Variants in ST6GALNAC3 observed in about 807,000 individuals in gnomAD.
ST6GALNAC3 encodes ST6 N-acetylgalactosaminide alpha-2,6-sialyltransferase 3.
A neutral mutation model predicts 32.7 loss-of-function variants in ST6GALNAC3; 25 were observed. The ratio of observed to expected loss-of-function variants is 0.76; its 90% CI spans 0.56 to 1.07. The LOEUF (loss-of-function observed/expected upper bound fraction) is 1.07, where lower values mean the gene tolerates loss of function less well. Among genes scored for constraint, ST6GALNAC3 ranks in the 50% least tolerant of loss-of-function variants. The pLI is 0.00. For missense variants in ST6GALNAC3, 355 were observed against 382.4 expected, an observed-to-expected ratio of 0.93 and a Z score of 0.60; for synonymous variants, 129 against 133.1, an observed-to-expected ratio of 0.97 and a Z score of 0.21.
At chr1:76,086,004 A>G (rs1267388905) in intron 1 of ST6GALNAC3, among the ~76,000 whole-genome samples, 1 of 152,154 alleles carries the variant, frequency 6.6e-6, no homozygotes. Flanking sequence ...ACACTGAAAA[A>G]CTTTTGCCTT....
intron 3 of ST6GALNAC3, among the ~76,000 whole-genome samples, chr1:76,432,911 G>A (rs919676513): frequency 6.6e-6 from 1 of 152,114 alleles, no homozygotes; most frequent in East Asian, 1.9e-4. Flanking sequence ...CAGTCCCCAG[G>A]CTTCTACAGG....
intron 1 of ST6GALNAC3, among the ~76,000 whole-genome samples, chr1:76,234,904 T>C (rs567928160): frequency 6.6e-6 from 1 of 152,310 alleles, no homozygotes; most frequent in East Asian, 1.9e-4. Context: ...CAAAAGTACC[T>C]GAGAGGGCTC....
chr1:76,364,806 A>T (rs1187791197), intron 2 of ST6GALNAC3, among the ~76,000 whole-genome samples: 1 of 152,104 alleles, frequency 6.6e-6, no homozygotes, highest in East Asian at 1.9e-4. Context: ...AGTCAGAATG[A>T]CTGTTAAAAA....
chr1:76,129,716 T>C (rs1557640414), intron 1 of ST6GALNAC3, among the ~76,000 whole-genome samples: 2 of 152,136 alleles, frequency 1.3e-5, no homozygotes, highest in Non-Finnish European at 2.9e-5. Flanking sequence ...CCCAAACTCA[T>C]GGCAAAGATT....
intron 2 of ST6GALNAC3, among the ~76,000 whole-genome samples, chr1:76,321,296 A>G (rs1646962520): frequency 6.6e-6 from 1 of 152,156 alleles, no homozygotes; most frequent in African/African-American, 2.4e-5. Flanking sequence ...TGTTCCCAAG[A>G]CAGAATGAGA....
At chr1:76,460,213 T>C (rs1475406577) in intron 3 of ST6GALNAC3, among the ~76,000 whole-genome samples, 2 of 152,208 alleles carry the variant, frequency 1.3e-5, no homozygotes, top group Non-Finnish European at 2.9e-5. Flanking sequence ...GGTTTTTGTT[T>C]TCATTTTCCT....
chr1:76,411,118 G>A lies in ST6GALNAC3; in HGVS notation c.214-890G>A, dbSNP rs371774078. Reference sequence around the variant, plus strand: ...TTTTAAAAGAAAGGGTGACTATGTGGGAGAGAAGCAGCAAAAGCAATCTAT... The same window carrying A: ...TTTTAAAAGAAAGGGTGACTATGTGAGAGAGAAGCAGCAAAAGCAATCTAT... On this transcript the variant is annotated intron_variant, in intron 2 of 4. Transcript: ENST00000328299. Among the ~76,000 whole-genome samples the A allele has an allele frequency of 1.2e-4, 19 of 152,256 alleles. No individual in the cohort carries two copies. The East Asian group carries it at 1.9e-3, about 15-fold the overall frequency.
At chr1:76,088,334 G>A (rs1000043058) in intron 1 of ST6GALNAC3, among the ~76,000 whole-genome samples, 5 of 152,130 alleles carry the variant, frequency 3.3e-5, no homozygotes, top group African/African-American at 1.2e-4. Flanking sequence ...AACCATTCCA[G>A]TAACAAATTA....
chr1:76,456,797 C>G (rs927080513), intron 3 of ST6GALNAC3, among the ~76,000 whole-genome samples: 1 of 152,192 alleles, frequency 6.6e-6, no homozygotes, highest in Non-Finnish European at 1.5e-5. Flanking sequence ...TGGCACAAGA[C>G]AGGGATGCCC....
chr1:76,415,855 T>C (rs1571159211), intron 3 of ST6GALNAC3, among the ~76,000 whole-genome samples: 1 of 152,112 alleles, frequency 6.6e-6, no homozygotes, highest in East Asian at 1.9e-4. Flanking sequence ...CAATATATAC[T>C]GTGTATATTG....
At chr1:76,257,798 G>T (rs1450716453) in intron 1 of ST6GALNAC3, among the ~76,000 whole-genome samples, 1 of 152,028 alleles carries the variant, frequency 6.6e-6, no homozygotes, top group East Asian at 1.9e-4. Context: ...AATGATACTG[G>T]AAAAAAGAAT....
At chr1:76,186,524 G>A (rs539076340) in intron 1 of ST6GALNAC3, among the ~76,000 whole-genome samples, 4 of 152,254 alleles carry the variant, frequency 2.6e-5, no homozygotes, top group Admixed American at 2.6e-4. Context: ...GGTTAGTGGG[G>A]TGTCCAAGCT....
intron 3 of ST6GALNAC3, among the ~76,000 whole-genome samples, chr1:76,606,011 A>G (rs1647521592): frequency 1.3e-5 from 2 of 152,126 alleles, no homozygotes; most frequent in Non-Finnish European, 2.9e-5. Context: ...AACCACAATG[A>G]GATACCACTA....
chr1:76,439,273 T>C (rs1314910791), intron 3 of ST6GALNAC3, among the ~76,000 whole-genome samples: 1 of 152,194 alleles, frequency 6.6e-6, no homozygotes, highest in Admixed American at 6.5e-5. Context: ...CCTGGAGTAA[T>C]GGTGCAGTGG....
chr1:76,582,734 T>C (rs750284533), intron 3 of ST6GALNAC3, among the ~76,000 whole-genome samples: 22 of 152,194 alleles, frequency 1.4e-4, no homozygotes, highest in Admixed American at 9.2e-4. Context: ...CCAGTTTTTG[T>C]TCTCCCTTCT....
In ST6GALNAC3 at chr1:76,358,189, A is replaced by G. The variant is rs112032175; in HGVS notation, c.213+44190A>G. Reference sequence around the variant, plus strand: ...ATCTAAGCTCAGTCTTAGATGCCCTATTCTCAGTTCTGATTAATCGATGCT... The same window carrying G: ...ATCTAAGCTCAGTCTTAGATGCCCTGTTCTCAGTTCTGATTAATCGATGCT... On this transcript the variant is annotated intron_variant, in intron 2 of 4. Transcript: ENST00000328299. Among the ~76,000 whole-genome samples, 698 of 152,178 alleles carry G rather than the reference A, an allele frequency of 4.6e-3. 6 individuals carry two copies. The highest frequency in any genetic ancestry group is 0.038 in the Middle Eastern group (11 of 292).
At chr1:76,464,915 A>G (rs764625047) in intron 3 of ST6GALNAC3, among the ~76,000 whole-genome samples, 2 of 152,000 alleles carry the variant, frequency 1.3e-5, no homozygotes, top group Non-Finnish European at 2.9e-5. Flanking sequence ...ATCTCCCCAA[A>G]TCTCTTTCTT....
intron 2 of ST6GALNAC3, among the ~76,000 whole-genome samples, chr1:76,361,396 A>C (rs568332207): frequency 2.0e-4 from 30 of 152,148 alleles, no homozygotes; most frequent in African/African-American, 6.5e-4. Context: ...ATGTTGTAGC[A>C]TGTGACTTGA....
chr1:76,556,530 T>C (rs1453547553), intron 3 of ST6GALNAC3, among the ~76,000 whole-genome samples: 1 of 152,104 alleles, frequency 6.6e-6, no homozygotes, highest in Non-Finnish European at 1.5e-5. Context: ...TTTCTCCATA[T>C]CTTAGCCAAC....
Sources: gnomAD v4.1 joint callset for allele counts (sites outside exome capture counted in the v4.1 genomes callset) on GRCh38, gnomAD v4.1.1 for gene constraint, MANE v1.5 for transcripts, NCBI Gene and HGNC (gene_info 2026-07-23, HGNC 2026-07-21) for gene names.